Variants in SHC3 observed in about 807,000 individuals in gnomAD.
The protein encoded by SHC3 is SHC adaptor protein 3.
A neutral mutation model predicts 60.4 loss-of-function variants in SHC3; 15 were observed. The ratio of observed to expected loss-of-function variants is 0.25; its 90% CI spans 0.17 to 0.38. The LOEUF is 0.38. SHC3 is among the 10% of genes least tolerant of loss of function. The pLI is 1.00. For synonymous variants in SHC3, 294 were observed against 325.9 expected, an observed-to-expected ratio of 0.90 and a Z score of 1.05; for missense variants, 677 against 786.1, an observed-to-expected ratio of 0.86 and a Z score of 1.66.
At chr9:89,060,609 A>T (rs1182139224) in intron 6 of SHC3, among the ~76,000 whole-genome samples, 1 of 151,904 alleles carries the variant, frequency 6.6e-6, no homozygotes, top group Non-Finnish European at 1.5e-5. Context: ...GGATCATAGG[A>T]AGTGAGACGG....
At chr9:89,023,763 T>C (rs1473294305) in intron 11 of SHC3, among the ~76,000 whole-genome samples, 1 of 152,216 alleles carries the variant, frequency 6.6e-6, no homozygotes, top group Non-Finnish European at 1.5e-5. Context: ...ATATCACAAG[T>C]CATCAGTTCA....
chr9:89,109,353 T>C, intron 2 of SHC3: 3 of 940,808 alleles, frequency 3.2e-6, no homozygotes, highest in Non-Finnish European at 3.8e-6. Context: ...TTTCAGGAAG[T>C]CCAGCGAGGG....
intron 1 of SHC3, among the ~76,000 whole-genome samples, chr9:89,169,443 C>T (rs937224661): frequency 4.0e-5 from 6 of 150,834 alleles, no homozygotes; most frequent in East Asian, 2.0e-4. Context: ...AGCACTGAGG[C>T]GGAGGCACCA....
intron 1 of SHC3, among the ~76,000 whole-genome samples, chr9:89,166,222 T>G (rs1826787417): frequency 6.6e-6 from 1 of 152,166 alleles, no homozygotes; most frequent in African/African-American, 2.4e-5. Context: ...CCATCCTTGA[T>G]TTCCATGTCA....
rs1453926125 is a variant in SHC3, at chr9:89,013,707, A to T, written c.1657-132T>A. ...GAGGGGGGGACAAGGGGCTTCCACC[A>T]CTTTAGAGATGCTGTCTGCAAAGAG... On this transcript the variant is annotated intron_variant, in intron 11 of 11. Coordinates refer to ENST00000375835, the MANE Select transcript of SHC3 (RefSeq NM_016848.6). 3.1e-6 allele frequency: 4 copies of T among 1,304,402 alleles called. No homozygotes were observed. In the African/African-American group the frequency reaches 4.5e-5, roughly 15 times the overall value. 80.8% of individuals were successfully genotyped at this position (1,304,402 alleles called of 1,614,324 possible).
chr9:89,143,003 C>T (rs1381864357), intron 1 of SHC3, among the ~76,000 whole-genome samples: 2 of 152,072 alleles, frequency 1.3e-5, no homozygotes, highest in Middle Eastern at 3.2e-3. Context: ...CTGATCCAGA[C>T]TCAAGAGAGG....
intron 1 of SHC3, among the ~76,000 whole-genome samples, chr9:89,137,915 G>T (rs1411924068): frequency 6.6e-6 from 1 of 152,152 alleles, no homozygotes; most frequent in African/African-American, 2.4e-5. Flanking sequence ...CAAAGACAAA[G>T]CCATTATTTT....
At chr9:89,061,102 C>G (rs1379490797) in intron 6 of SHC3, among the ~76,000 whole-genome samples, 1 of 152,172 alleles carries the variant, frequency 6.6e-6, no homozygotes, top group African/African-American at 2.4e-5. Context: ...CAGAGCCTGG[C>G]TTTGTTTGTA....
At chr9:89,071,366 T>C in intron 4 of SHC3, 114 bp from the exon 5 acceptor site, 1 of 991,516 alleles carries the variant, frequency 1.0e-6, no homozygotes, top group Non-Finnish European at 1.6e-6. Flanking sequence ...TGAAAATTGG[T>C]ATCTATATAA....
intron 11 of SHC3, among the ~76,000 whole-genome samples, chr9:89,036,032 T>G (rs1403562432): frequency 2.6e-5 from 4 of 151,896 alleles, no homozygotes; most frequent in African/African-American, 9.7e-5. Flanking sequence ...GGAGAAAAAC[T>G]TTAAAAGTCA....
intron 2 of SHC3, among the ~76,000 whole-genome samples, chr9:89,104,793 C>T (rs1825833888): frequency 6.6e-6 from 1 of 151,870 alleles, no homozygotes; most frequent in African/African-American, 2.4e-5. Flanking sequence ...CCCCATCCCA[C>T]CCTTCATTTG....
intron 1 of SHC3, among the ~76,000 whole-genome samples, chr9:89,175,818 C>T (rs1017030645): frequency 1.3e-5 from 2 of 152,060 alleles, no homozygotes; most frequent in Non-Finnish European, 2.9e-5. Context: ...TTCTAAATAA[C>T]GCCAAATTAA....
At chr9:89,134,717 C>T (rs2049106881) in intron 1 of SHC3, among the ~76,000 whole-genome samples, 1 of 152,026 alleles carries the variant, frequency 6.6e-6, no homozygotes. Context: ...TAGAATTTGA[C>T]AGGTACTAAC....
At chr9:89,122,043 C>T (rs1564160112) in intron 1 of SHC3, among the ~76,000 whole-genome samples, 1 of 152,212 alleles carries the variant, frequency 6.6e-6, no homozygotes, top group East Asian at 1.9e-4. Flanking sequence ...CATGGTGATG[C>T]TCTTGAAATT....
chr9:89,090,650 G>A (rs1188071032), intron 2 of SHC3, among the ~76,000 whole-genome samples: 1 of 152,180 alleles, frequency 6.6e-6, no homozygotes, highest in Non-Finnish European at 1.5e-5. Flanking sequence ...AGAGAGGTCA[G>A]TTGAGCCCAT....
intron 2 of SHC3, among the ~76,000 whole-genome samples, chr9:89,090,058 C>T (rs894297206): frequency 1.2e-4 from 18 of 152,348 alleles, no homozygotes; most frequent in South Asian, 4.1e-4. Context: ...GGATAAATCA[C>T]GGTCAGCGAG....
At chr9:89,146,328 G>A (rs562963340) in intron 1 of SHC3, among the ~76,000 whole-genome samples, 22 of 152,014 alleles carry the variant, frequency 1.4e-4, no homozygotes, top group African/African-American at 5.1e-4. Flanking sequence ...CTGCACTCCA[G>A]CCTGGGTGAC....
intron 11 of SHC3, chr9:89,037,438 G>A (rs1419232834): frequency 1.5e-5 from 10 of 682,796 alleles, no homozygotes; most frequent in African/African-American, 7.2e-5. Context: ...CTTTCTTGAC[G>A]GGAAGATGAA....
intron 1 of SHC3, among the ~76,000 whole-genome samples, chr9:89,135,976 CT>C (rs1826313915): frequency 6.6e-6 from 1 of 152,158 alleles, no homozygotes; most frequent in South Asian, 2.1e-4. Context: ...GCAGGATAAG[CT>C]TACGCAATAT....
Sources: allele counts gnomAD v4.1 joint callset (sites outside exome capture counted in the v4.1 genomes callset), GRCh38; gene constraint gnomAD v4.1.1; transcripts MANE v1.5; gene names NCBI Gene and HGNC (gene_info 2026-07-23, HGNC 2026-07-21).